The following RBFOX1 variants were observed in gnomAD, a reference collection of about 807,000 sequenced individuals.
The protein encoded by RBFOX1 is RNA binding protein fox-1 homolog 1.
RBFOX1 carries 8 observed loss-of-function variants against 57.7 expected under a neutral mutation model. The observed-to-expected ratio is 0.14, with a 90% confidence interval of 0.08 to 0.25. The LOEUF is 0.25. Among genes scored for constraint, RBFOX1 ranks in the 10% least tolerant of loss-of-function variants. The pLI is 1.00. For synonymous variants in RBFOX1, 326 were observed against 222.4 expected, an observed-to-expected ratio of 1.47 and a Z score of -4.15; for missense variants, 611 against 548.5, an observed-to-expected ratio of 1.11 and a Z score of -1.14.
intron 4 of RBFOX1, among the ~76,000 whole-genome samples, chr16:5,902,327 G>T (rs948443240): frequency 6.6e-6 from 1 of 152,142 alleles, no homozygotes; most frequent in Admixed American, 6.5e-5. Context: ...ACCCAAATTT[G>T]GGTGAGTCTC....
intron 2 of RBFOX1, among the ~76,000 whole-genome samples, chr16:5,476,575 A>G (rs992654970): frequency 6.6e-6 from 1 of 152,246 alleles, no homozygotes; most frequent in Admixed American, 6.5e-5. Flanking sequence ...AACAGTGTCC[A>G]TCTTACCGGG....
At chr16:7,035,594 G>C (rs75868001) in intron 3 of RBFOX1, among the ~76,000 whole-genome samples, 8,104 of 151,908 alleles carry the variant, frequency 0.053, 388 homozygotes, top group East Asian at 0.2. Flanking sequence ...CTGCGTTGTT[G>C]GTTTATTATT....
chr16:6,421,301 C>T (rs2093765687), intron 2 of RBFOX1, among the ~76,000 whole-genome samples: 1 of 152,150 alleles, frequency 6.6e-6, no homozygotes, highest in African/African-American at 2.4e-5. Flanking sequence ...GTCTTGAGCC[C>T]TTTGTTGGCT....
In RBFOX1 at chr16:7,309,274, G is replaced by A. The variant is rs145702667; in HGVS notation, c.28-208873G>A. On this transcript the variant is annotated intron_variant, in intron 4 of 15. Transcript: ENST00000550418. The stretch of plus-strand genomic sequence containing the variant: ...GCCAGGTAAGGCCCACATTTCAGGT[G>A]AGCTGGGGGTCATCTGTGCTTCCCC... Among the ~76,000 whole-genome samples the A allele has an allele frequency of 4.6e-3, 697 of 152,346 alleles. 2 individuals carry two copies. The highest frequency in any genetic ancestry group is 0.016 in the African/African-American group (653 of 41,594).
chr16:5,284,691 G>A lies in RBFOX1; in HGVS notation c.219+44586G>A, dbSNP rs191909184. ...TGATTCTCTGGAATTGTATATGTGA[G>A]CCACTGTGCCAGGCTCCTTCATTTT... On this transcript the variant is annotated intron_variant, in intron 1 of 2. Coordinates refer to the RBFOX1 transcript ENST00000585867. 3.4e-5 allele frequency among the ~76,000 whole-genome samples: 5 copies of A among 148,194 alleles called. No individual in the cohort carries two copies. The East Asian group carries it at 1.0e-3, about 30-fold the overall frequency.
chr16:6,078,869 A>G (rs563772602), intron 1 of RBFOX1, among the ~76,000 whole-genome samples: 28 of 152,230 alleles, frequency 1.8e-4, no homozygotes, highest in Non-Finnish European at 3.4e-4. Flanking sequence ...CTAAGACTCT[A>G]TCTGAAAACT....
intron 4 of RBFOX1, among the ~76,000 whole-genome samples, chr16:7,370,771 A>G (rs1291854951): frequency 6.6e-6 from 1 of 152,234 alleles, no homozygotes; most frequent in Non-Finnish European, 1.5e-5. Context: ...CTTTCTGAAC[A>G]TTCATGCATA....
intron 14 of RBFOX1, among the ~76,000 whole-genome samples, chr16:7,708,015 C>T (rs572779011): frequency 2.5e-4 from 38 of 152,248 alleles, no homozygotes; most frequent in African/African-American, 4.8e-4. Flanking sequence ...GCACAGGATA[C>T]GGTGGACCAA....
intron 2 of RBFOX1, among the ~76,000 whole-genome samples, chr16:6,387,975 T>C (rs982493686): frequency 3.0e-5 from 1 of 33,706 alleles, no homozygotes; most frequent in South Asian, 2.6e-3. Flanking sequence ...TTGTGGAACA[T>C]TTTTTTTTTT....
intron 11 of RBFOX1, among the ~76,000 whole-genome samples, chr16:7,633,723 A>T (rs1020292603): frequency 6.6e-6 from 1 of 152,118 alleles, no homozygotes. Flanking sequence ...TCCCTCTCCA[A>T]TTGGGTAGGC....
At chr16:7,254,502 T>G (rs935113038) in intron 4 of RBFOX1, among the ~76,000 whole-genome samples, 4 of 152,030 alleles carry the variant, frequency 2.6e-5, no homozygotes, top group African/African-American at 9.6e-5. Flanking sequence ...CTCTCTCTTT[T>G]TTTTTATCAA....
chr16:5,810,220 A>T (rs1330954103), intron 3 of RBFOX1, among the ~76,000 whole-genome samples: 1 of 152,042 alleles, frequency 6.6e-6, no homozygotes, highest in Non-Finnish European at 1.5e-5. Flanking sequence ...GATATACCTA[A>T]TGCTAAATGC....
At chr16:7,383,722 G>A (rs780500571) in intron 4 of RBFOX1, among the ~76,000 whole-genome samples, 4 of 152,018 alleles carry the variant, frequency 2.6e-5, no homozygotes, top group Admixed American at 2.6e-4. Context: ...CTATTCAAAG[G>A]GTATTCAGAT....
In RBFOX1 at chr16:7,354,522, GA is replaced by G. The variant is rs774062683; in HGVS notation, c.28-163617del. Among the ~76,000 whole-genome samples the G allele has an allele frequency of 2.6e-5, 4 of 151,606 alleles. No individual in the cohort carries two copies. The East Asian group carries it at 7.8e-4, about 29-fold the overall frequency. ...CAGCCAGAAAAACTGAATGAGCTTG[GA>G]AAAAAAACTACTTCCTAAAACCTTC... On this transcript the variant is annotated intron_variant, in intron 4 of 15. Coordinates refer to ENST00000550418, the MANE Select transcript of RBFOX1 (RefSeq NM_018723.4).
intron 2 of RBFOX1, among the ~76,000 whole-genome samples, chr16:5,477,686 A>G (rs766709780): frequency 1.3e-5 from 2 of 152,186 alleles, no homozygotes; most frequent in Non-Finnish European, 2.9e-5. Flanking sequence ...TGGGGTGCAT[A>G]TAACACCAGT....
At chr16:7,699,848 G>A (rs1028274188) in intron 14 of RBFOX1, among the ~76,000 whole-genome samples, 1 of 151,830 alleles carries the variant, frequency 6.6e-6, no homozygotes, top group Non-Finnish European at 1.5e-5. Flanking sequence ...TTTTTCATTT[G>A]GCTCAAATGA....
intron 3 of RBFOX1, among the ~76,000 whole-genome samples, chr16:6,851,448 C>T (rs77112323): frequency 0.021 from 3,201 of 152,208 alleles, 117 homozygotes; most frequent in African/African-American, 0.073. Context: ...TGTGAATCTA[C>T]AGTTATCTCA....
At chr16:7,562,401 G>A (rs1200874277) in intron 5 of RBFOX1, among the ~76,000 whole-genome samples, 1 of 152,118 alleles carries the variant, frequency 6.6e-6, no homozygotes, top group East Asian at 1.9e-4. Flanking sequence ...GGGTGTCCAG[G>A]AGGCCAAATG....
intron 3 of RBFOX1, among the ~76,000 whole-genome samples, chr16:6,686,756 C>T (rs961450374): frequency 3.3e-5 from 5 of 152,122 alleles, no homozygotes; most frequent in Non-Finnish European, 5.9e-5. Context: ...TCCTTTTCTC[C>T]CAACCTCCCC....
Sources: allele counts gnomAD v4.1 joint callset (sites outside exome capture counted in the v4.1 genomes callset), GRCh38; gene constraint gnomAD v4.1.1; transcripts MANE v1.5; gene names NCBI Gene and HGNC (gene_info 2026-07-23, HGNC 2026-07-21).